The following C6orf132 variants were observed in gnomAD, a reference collection of about 807,000 sequenced individuals.
C6orf132 encodes the protein uncharacterized protein C6orf132.
In C6orf132, 43 loss-of-function variants were observed where a neutral mutation model predicts 65.3. The ratio of observed to expected loss-of-function variants is 0.66; its 90% CI spans 0.52 to 0.85. The LOEUF (loss-of-function observed/expected upper bound fraction) is 0.85. C6orf132 is among the 40% of genes least tolerant of loss of function. C6orf132 has a pLI of 0.00. For missense variants in C6orf132, 1,488 were observed against 1,548.8 expected (o/e 0.96, Z 0.66); for synonymous variants, 631 against 654.1 (o/e 0.96, Z 0.54).
chr6:42,113,563 C>T (rs1766522997), intron 2 of C6orf132, among the ~76,000 whole-genome samples: 1 of 152,220 alleles, frequency 6.6e-6, no homozygotes, highest in Non-Finnish European at 1.5e-5. Context: ...GCCTGTAATC[C>T]CAGCACTTTG....
At chr6:42,132,714 G>T (rs914593405) in intron 1 of C6orf132, among the ~76,000 whole-genome samples, 1 of 151,612 alleles carries the variant, frequency 6.6e-6, no homozygotes, top group Non-Finnish European at 1.5e-5. Flanking sequence ...CGGATGTGGT[G>T]GTGGGCACCT....
Position 42,142,309 on chromosome 6 carries a change from C to G in C6orf132, c.136G>C (p.Gly46Arg), listed in dbSNP as rs1159241857. 7 of 1,550,660 alleles carry G rather than the reference C, an allele frequency of 4.5e-6. No individual in the cohort carries two copies. Among genetic ancestry groups the G allele is most frequent in the South Asian group, 3.6e-5 (3 of 84,012 alleles). The change falls in exon 1 of 5, where the codon GGG becomes CGG. Residue 46 changes from glycine (G) to arginine (R), a missense_variant. Physicochemically the swap from Gly to Arg is moderately radical, Grantham distance 125. Transcript: ENST00000341865. ...FTQEAPEEGT[G>R]GFDGIYYGDN... is the part of the protein sequence containing the mutation. ...TCCCCGGAGTACTCACCGAAGCCCC[C>G]GGTCCCCTCCTCCGGGGCCTCCTGG... is the stretch of plus-strand genomic sequence containing the variant.
rs1766807561 is a variant in C6orf132, at chr6:42,128,699, G to A, written c.225C>T (p.Val75=). 6.4e-7 allele frequency: 1 copy of A among 1,551,380 alleles called. No homozygotes were observed. The highest frequency in any genetic ancestry group is 8.7e-7 in the Non-Finnish European group (1 of 1,146,976). Reference sequence around the variant, plus strand: ...GCGGAAGGAAGGTCAGCAGGGGCCGGACTCTTGGCCGAGCTTTCAGCGTGG... The same window carrying A: ...GCGGAAGGAAGGTCAGCAGGGGCCGAACTCTTGGCCGAGCTTTCAGCGTGG... ...GTATLKARPR[V]RPLLTFLPLN... The change falls in exon 2 of 5, where the codon GTC becomes GTT. Residue 75 remains valine (V), a synonymous_variant. Coordinates refer to ENST00000341865, the MANE Select transcript of C6orf132 (RefSeq NM_001164446.3).
At chr6:42,140,351 G>T (rs954425722) in intron 1 of C6orf132, among the ~76,000 whole-genome samples, 3 of 152,240 alleles carry the variant, frequency 2.0e-5, no homozygotes, top group Admixed American at 1.3e-4. Flanking sequence ...GCTGAGAGGC[G>T]TGGCTGAGAG....
In C6orf132 at chr6:42,105,431, C is replaced by A. The variant is rs977132742; in HGVS notation, c.2481G>T (p.Pro827=). 6.5e-7 allele frequency: 1 copy of A among 1,535,542 alleles called. No individual in the cohort carries two copies. The change falls in exon 4 of 5, where the codon CCG becomes CCT. Residue 827 remains proline (P), a synonymous_variant. Coordinates refer to ENST00000341865, the MANE Select transcript of C6orf132 (RefSeq NM_001164446.3). The part of the protein sequence containing the change: ...AQPTDELLRH[P]VTGEVVERGS... ...CCCGCTCCACCACCTCCCCAGTCAC[C>A]GGGTGCCTGAGGAGTTCATCAGTGG...
At chr6:42,115,884 T>C (rs192552002) in intron 2 of C6orf132, among the ~76,000 whole-genome samples, 4 of 151,476 alleles carry the variant, frequency 2.6e-5, no homozygotes, top group Admixed American at 2.6e-4. Context: ...CTGTATCAGG[T>C]ACTCTTTCAG....
At position 42,142,464 on chromosome 6, in the gene C6orf132, G is replaced by T. The variant is rs762062026; in HGVS notation, c.-20C>A. ...TTTCATGCTGCCGCAGCCCGCGCGG[G>T]CGCCAGGGAAGGACCTTCCCTCCCT... On this transcript the variant is annotated 5_prime_UTR_variant, in exon 1 of 5. Transcript: ENST00000341865. 5.8e-6 allele frequency: 9 copies of T among 1,548,210 alleles called. No individual in the cohort carries two copies. Among genetic ancestry groups the T allele is most frequent in the Middle Eastern group, 1.9e-4 (1 of 5,324 alleles).
Position 42,104,324 on chromosome 6 carries a change from G to A in C6orf132, c.3449+139C>T. ...AACAGCGCCCTCTCCCGGTAAGTGG[G>A]CCTCCCTCCCGCGTTCTACCTGCAA... On this transcript the variant is annotated intron_variant, in intron 4 of 4. Transcript: ENST00000341865. This position sits in a 1 kb window ranked among gnomAD's most constrained non-coding sequence, Gnocchi z 4.1. 1 of 1,212,540 alleles carries A rather than the reference G, an allele frequency of 8.2e-7. No homozygotes were observed. The highest frequency in any genetic ancestry group is 1.0e-6 in the Non-Finnish European group (1 of 973,010). The allele number at this position is 1,212,540 out of a possible 1,614,324, so 75.1% of individuals were successfully genotyped here.
At chr6:42,140,099 C>T (rs566961109) in intron 1 of C6orf132, among the ~76,000 whole-genome samples, 3 of 152,368 alleles carry the variant, frequency 2.0e-5, no homozygotes, top group East Asian at 3.9e-4. Flanking sequence ...AACACTGAGG[C>T]GCTGTTCTGC....
chr6:42,110,323 G>C, intron 2 of C6orf132, 32 bp from the exon 3 acceptor site: 1 of 1,502,462 alleles, frequency 6.7e-7, no homozygotes, highest in Non-Finnish European at 9.0e-7. Flanking sequence ...TCAGGGGACA[G>C]GGAAAGATGG....
At chr6:42,126,925 A>G in intron 2 of C6orf132, 3 of 345,368 alleles carry the variant, frequency 8.7e-6, no homozygotes, top group South Asian at 6.6e-5. Context: ...AGTTTTATGC[A>G]TTCTCTGGAA....
At position 42,101,742 on chromosome 6, in the gene C6orf132, G is replaced by A. The variant is rs1766286864; in HGVS notation, c.*2019C>T. 1 of 152,178 alleles carries A rather than the reference G, an allele frequency of 6.6e-6. No individual in the cohort carries two copies. The highest frequency in any genetic ancestry group is 2.1e-4 in the South Asian group (1 of 4,816). 9.4% of individuals were successfully genotyped at this position (152,178 alleles called of 1,614,324 possible). On this transcript the variant is annotated 3_prime_UTR_variant, in exon 5 of 5. Transcript: ENST00000341865. Reference sequence around the variant, plus strand: ...AGAGAGCTAGTGCTGGGGCTGGGGTGGGATTTGCTTCTTGAACACAGATAA... The same window carrying A: ...AGAGAGCTAGTGCTGGGGCTGGGGTAGGATTTGCTTCTTGAACACAGATAA...
At chr6:42,132,856 C>CA (rs529784118) in intron 1 of C6orf132, among the ~76,000 whole-genome samples, 8,266 of 91,716 alleles carry the variant, frequency 0.09, 353 homozygotes, top group Middle Eastern at 0.19. Context: ...GACTCTGTCT[C>CA]AAAAAAAAAA....
At chr6:42,119,190 A>T (rs1766636625) in intron 2 of C6orf132, among the ~76,000 whole-genome samples, 1 of 136,414 alleles carries the variant, frequency 7.3e-6, no homozygotes, top group African/African-American at 2.7e-5. Context: ...CAGAAGTTGC[A>T]GTGAGCTGAG....
At chr6:42,118,645 T>G (rs1210051146) in intron 2 of C6orf132, among the ~76,000 whole-genome samples, 1 of 152,150 alleles carries the variant, frequency 6.6e-6, no homozygotes, top group Admixed American at 6.5e-5. Flanking sequence ...CCTCCCTCTT[T>G]GGGCCAGCCT....
chr6:42,109,038 C>T (rs1262868544), intron 3 of C6orf132, among the ~76,000 whole-genome samples: 4 of 152,172 alleles, frequency 2.6e-5, no homozygotes, highest in East Asian at 1.9e-4. Flanking sequence ...TACGCTTGAA[C>T]GGGACAATGA....
rs564773990 is a variant in C6orf132 at position 42,142,405 on chromosome 6, G to A, written c.40C>T (p.Leu14Phe). Residue 14 changes from leucine (L) to phenylalanine (F), a missense_variant, in exon 1 of 5, where the codon CTC becomes TTC. Leu to Phe is a conservative substitution (Grantham distance 22, BLOSUM62 0). Transcript: ENST00000341865. ...KQTVQGTFSK[L>F]FGKKHTTTPS... ...GTCGTGGTGTGCTTCTTCCCGAAGA[G>A]TTTGCTGAAGGTGCCCTGCACCGTC... 53 of 1,551,490 alleles carry A rather than the reference G, an allele frequency of 3.4e-5. 3 individuals are homozygous for A. In the South Asian group the frequency reaches 6.1e-4, roughly 18 times the overall value.
At chr6:42,114,420 T>TTGGGCCCACA (rs5875792) in intron 2 of C6orf132, among the ~76,000 whole-genome samples, 2 of 151,980 alleles carry the variant, frequency 1.3e-5, no homozygotes, top group Non-Finnish European at 2.9e-5. Context: ...TCTTTCCCAC[T>TTGGGCCCACA]TGGGCCCACA....
intron 2 of C6orf132, chr6:42,126,626 G>A (rs896681011): frequency 9.3e-6 from 2 of 214,906 alleles, no homozygotes; most frequent in Non-Finnish European, 1.8e-5. Context: ...TGGATCACCT[G>A]AGGTCAGGAG....
Sources: allele counts gnomAD v4.1 joint callset (sites outside exome capture counted in the v4.1 genomes callset), GRCh38; gene constraint gnomAD v4.1.1; non-coding constraint Gnocchi (gnomAD v3.1); transcripts MANE v1.5; gene names NCBI Gene and HGNC (gene_info 2026-07-23, HGNC 2026-07-21).